Variants in CREB5 observed in about 807,000 individuals in gnomAD.
CREB5 encodes cAMP responsive element binding protein 5.
Under a neutral mutation model 57.1 loss-of-function variants are expected in CREB5, and 19 were observed. The observed-to-expected ratio is 0.33, with a 90% confidence interval of 0.23 to 0.49. The LOEUF is 0.49. CREB5 is among the 20% of genes least tolerant of loss of function. The probability of loss-of-function intolerance (pLI) is 0.99; values close to 1 mark genes in which losing one functional copy is unlikely to be tolerated. For missense variants in CREB5, 579 were observed against 671.6 expected (o/e 0.86, Z 1.52); for synonymous variants, 238 against 238.3 (o/e 1.00, Z 0.01).
At chr7:28,662,036 C>T (rs2128714022) in intron 5 of CREB5, among the ~76,000 whole-genome samples, 1 of 152,236 alleles carries the variant, frequency 6.6e-6, no homozygotes, top group African/African-American at 2.4e-5. Context: ...GCATGCCAAC[C>T]CCTGGGGACA....
At chr7:28,594,168 C>G (rs958514938) in intron 5 of CREB5, among the ~76,000 whole-genome samples, 9 of 152,182 alleles carry the variant, frequency 5.9e-5, no homozygotes, top group African/African-American at 2.2e-4. Context: ...TGATGCTACC[C>G]GCTAGACTCT....
At chr7:28,333,701 C>T (rs1293028148) in intron 1 of CREB5, among the ~76,000 whole-genome samples, 1 of 152,174 alleles carries the variant, frequency 6.6e-6, no homozygotes, top group Non-Finnish European at 1.5e-5. Context: ...CAAGTTCCAT[C>T]TATGTTGTTG....
intron 7 of CREB5, among the ~76,000 whole-genome samples, chr7:28,790,524 G>C (rs915169880): frequency 9.2e-5 from 14 of 152,072 alleles, no homozygotes; most frequent in Admixed American, 6.5e-4. Flanking sequence ...AAGAAAGAAA[G>C]GGAAAAACTA....
intron 5 of CREB5, among the ~76,000 whole-genome samples, chr7:28,643,751 T>TCGGGG (rs5883161): frequency 6.7e-5 from 9 of 133,548 alleles, no homozygotes; most frequent in African/African-American, 2.6e-4. Context: ...GTTTGGGAGG[T>TCGGGG]GGGGGGGGGC....
intron 5 of CREB5, among the ~76,000 whole-genome samples, chr7:28,591,113 A>G (rs1444413624): frequency 2.0e-5 from 3 of 152,206 alleles, no homozygotes; most frequent in Non-Finnish European, 4.4e-5. Flanking sequence ...CTTTTACTCC[A>G]AACAGGATGA....
intron 4 of CREB5, among the ~76,000 whole-genome samples, chr7:28,540,873 GCTT>G (rs1305116938): frequency 6.6e-6 from 1 of 152,136 alleles, no homozygotes; most frequent in Non-Finnish European, 1.5e-5. Context: ...ATGTGGGAGA[GCTT>G]CTTTTCATGG....
chr7:28,538,768 T>A (rs1794084895), intron 4 of CREB5, among the ~76,000 whole-genome samples: 1 of 151,956 alleles, frequency 6.6e-6, no homozygotes, highest in South Asian at 2.1e-4. Context: ...TTTAGCTGTA[T>A]CCCACAAATT....
intron 1 of CREB5, among the ~76,000 whole-genome samples, chr7:28,327,452 C>A (rs141885240): frequency 6.6e-6 from 1 of 152,092 alleles, no homozygotes; most frequent in Non-Finnish European, 1.5e-5. Flanking sequence ...TGCAATTCAG[C>A]GGCATTCCTT....
chr7:28,596,990 C>T (rs1006829359), intron 5 of CREB5, among the ~76,000 whole-genome samples: 4 of 152,192 alleles, frequency 2.6e-5, no homozygotes, highest in African/African-American at 4.8e-5. Flanking sequence ...GGACCAAGCC[C>T]ATGATTTGGA....
chr7:28,305,602 A>G (rs1476119828), intron 1 of CREB5, among the ~76,000 whole-genome samples: 2 of 152,154 alleles, frequency 1.3e-5, no homozygotes, highest in Non-Finnish European at 2.9e-5. Context: ...GAGTCCATTG[A>G]ATTAATGGGG....
intron 7 of CREB5, among the ~76,000 whole-genome samples, chr7:28,774,492 T>A (rs1030680733): frequency 1.1e-4 from 16 of 152,370 alleles, no homozygotes; most frequent in African/African-American, 3.8e-4. Flanking sequence ...ATCCTGCATT[T>A]ACAGTATGGA....
rs1278505210 is a variant in CREB5 at position 28,823,464 on chromosome 7, T to C, written c.*4185T>C. 1 of 152,648 alleles carries C rather than the reference T, an allele frequency of 6.6e-6. No individual in the cohort carries two copies. Among genetic ancestry groups the C allele is most frequent in the Non-Finnish European group, 1.5e-5 (1 of 68,034 alleles). 9.5% of individuals were successfully genotyped at this position (152,648 alleles called of 1,614,324 possible). A position where few individuals can be genotyped will look rare whatever the true frequency, so the allele number is the denominator to read the frequency against. On this transcript the variant is annotated 3_prime_UTR_variant, in exon 11 of 11. Transcript: ENST00000357727. ...TTATGTGTATTTTCATTTTTCAGGG[T>C]TTCAAATGGCTATTCTCCATCATTT... is the stretch of plus-strand genomic sequence containing the variant.
At chr7:28,507,053 A>G (rs913093172) in intron 3 of CREB5, among the ~76,000 whole-genome samples, 4 of 152,242 alleles carry the variant, frequency 2.6e-5, no homozygotes, top group Admixed American at 6.5e-5. Flanking sequence ...TTTGACTTGG[A>G]ACTTTTTATC....
At chr7:28,435,650 C>G in intron 1 of CREB5, 1 of 985,266 alleles carries the variant, frequency 1.0e-6, no homozygotes. Flanking sequence ...CTGAAACGAT[C>G]TCATTTACCT....
At chr7:28,702,564 C>A (rs945210916) in intron 5 of CREB5, among the ~76,000 whole-genome samples, 6 of 152,202 alleles carry the variant, frequency 3.9e-5, no homozygotes, top group Non-Finnish European at 8.8e-5. Flanking sequence ...TCCATCCAGA[C>A]GGAGCAGTGT....
intron 1 of CREB5, among the ~76,000 whole-genome samples, chr7:28,404,230 C>T (rs891047286): frequency 2.0e-5 from 3 of 152,164 alleles, no homozygotes; most frequent in Admixed American, 6.5e-5. Flanking sequence ...TCTATGTCAT[C>T]ATTTTCAGTG....
At chr7:28,782,318 A>G (rs537108798) in intron 7 of CREB5, among the ~76,000 whole-genome samples, 4 of 152,262 alleles carry the variant, frequency 2.6e-5, no homozygotes, top group Non-Finnish European at 4.4e-5. Context: ...ATCTCCAGAT[A>G]TAATTATCAC....
chr7:28,346,942 C>A (rs1323298939), intron 1 of CREB5, among the ~76,000 whole-genome samples: 1 of 152,068 alleles, frequency 6.6e-6, no homozygotes, highest in Non-Finnish European at 1.5e-5. Flanking sequence ...TATTAAGTAC[C>A]ACTGGGTTGG....
chr7:28,305,915 AAT>A (rs200935465), intron 1 of CREB5, among the ~76,000 whole-genome samples: 3,019 of 152,104 alleles, frequency 0.02, 69 homozygotes, highest in Admixed American at 0.056. Context: ...ATACACCAAA[AAT>A]AGTGTGTGCG....
Sources: allele counts gnomAD v4.1 joint callset (sites outside exome capture counted in the v4.1 genomes callset), GRCh38; gene constraint gnomAD v4.1.1; transcripts MANE v1.5; gene names NCBI Gene and HGNC (gene_info 2026-07-23, HGNC 2026-07-21).